P4HA3: variants seen among roughly 807,000 people sequenced by gnomAD.
P4HA3 encodes prolyl 4-hydroxylase subunit alpha-3.
In P4HA3, 60 loss-of-function variants were observed where a neutral mutation model predicts 66.7. That is an observed-to-expected ratio of 0.90 (90% CI 0.73 to 1.12). The LOEUF is 1.12. Among genes scored for constraint, P4HA3 ranks in the 50% most tolerant of loss-of-function variants. The probability of loss-of-function intolerance (pLI) is 0.00; values close to 1 mark genes in which losing one functional copy is unlikely to be tolerated. For synonymous variants in P4HA3, 263 were observed against 274.6 expected (o/e 0.96, Z 0.42); for missense variants, 683 against 685.8 (o/e 1.00, Z 0.05).
At chr11:74,250,753 A>G in intron 15 of P4HA3, 1 of 569,166 alleles carries the variant, frequency 1.8e-6, no homozygotes, top group East Asian at 2.8e-5. Context: ...GGACAGAAGG[A>G]AAAAGTGAAG....
intron 2 of P4HA3, among the ~76,000 whole-genome samples, chr11:74,303,292 CTTT>C (rs779313817): frequency 7.3e-5 from 9 of 123,202 alleles, no homozygotes; most frequent in East Asian, 2.3e-4. Flanking sequence ...CAACAAACTT[CTTT>C]TTTTTTTTTT....
chr11:74,306,274 C>A (rs1941820), intron 1 of P4HA3, among the ~76,000 whole-genome samples: 38,393 of 152,054 alleles, frequency 0.25, 5,356 homozygotes, highest in Non-Finnish European at 0.32. Flanking sequence ...CTGAAGTGAT[C>A]ATCTTTCCAG....
intron 4 of P4HA3, among the ~76,000 whole-genome samples, chr11:74,297,365 T>C (rs111288563): frequency 0.04 from 6,044 of 152,220 alleles, 127 homozygotes; most frequent in Middle Eastern, 0.11. Flanking sequence ...CACATGGGTT[T>C]GGAGCACCCA....
chr11:74,304,575 T>A (rs1414604838), intron 1 of P4HA3, among the ~76,000 whole-genome samples, 163 bp from the exon 2 acceptor site: 1 of 152,070 alleles, frequency 6.6e-6, no homozygotes, highest in Non-Finnish European at 1.5e-5. Flanking sequence ...CCAAAGAATA[T>A]GAAAACTATA....
chr11:74,254,895 G>C (rs928188969), intron 15 of P4HA3, among the ~76,000 whole-genome samples: 3 of 152,110 alleles, frequency 2.0e-5, no homozygotes, highest in Admixed American at 6.5e-5. Context: ...TCTGCAGCCA[G>C]GATGGGATTC....
chr11:74,298,462 AG>A (rs1591130363), intron 3 of P4HA3, 101 bp from the exon 4 acceptor site: 2 of 1,367,676 alleles, frequency 1.5e-6, no homozygotes, highest in East Asian at 4.6e-5. Context: ...CCAAGAAGGC[AG>A]GTTTTAATTT....
chr11:74,264,416 C>G (rs965480390), downstream of P4HA3, among the ~76,000 whole-genome samples: 2 of 152,196 alleles, frequency 1.3e-5, no homozygotes, highest in Admixed American at 6.5e-5. Flanking sequence ...AGGGACCCTG[C>G]TCATCTTCAA....
intron 15 of P4HA3, among the ~76,000 whole-genome samples, chr11:74,258,070 T>A (rs1452318554): frequency 6.6e-6 from 1 of 152,188 alleles, no homozygotes; most frequent in Non-Finnish European, 1.5e-5. Context: ...CTGCAGTCAC[T>A]GTTTTGTTTG....
Position 74,285,847 on chromosome 11 carries a change from A to G in P4HA3, c.1072T>C (p.Ser358Pro), listed in dbSNP as rs1311112444. Residue 358 changes from serine to proline, a missense_variant, in exon 7 of 13, where the codon TCA becomes CCA. By Grantham distance (74) the Ser-to-Pro change is moderately conservative (BLOSUM62 -1). Coordinates refer to ENST00000331597, the MANE Select transcript of P4HA3 (RefSeq NM_182904.5). ...AGTTCTCTAATTTTCTGAGCCTCTGAGTCACTGACGAAGTCATGGTAGAGA... is the reference window on the plus strand; with the variant it reads ...AGTTCTCTAATTTTCTGAGCCTCTGGGTCACTGACGAAGTCATGGTAGAGA... ...IALYHDFVSDSEAQKIRELAE... is the reference protein window; with the variant it reads ...IALYHDFVSDPEAQKIRELAE... 1 of 1,614,084 alleles carries G rather than the reference A, an allele frequency of 6.2e-7. No individual in the cohort carries two copies. Among genetic ancestry groups the G allele is most frequent in the Non-Finnish European group, 8.5e-7 (1 of 1,179,960 alleles).
At chr11:74,273,708 CA>C (rs143208079) in intron 9 of P4HA3, 101 bp from the exon 10 acceptor site, 1 of 921,488 alleles carries the variant, frequency 1.1e-6, no homozygotes, top group African/African-American at 1.7e-5. Context: ...ATGGGGGCAT[CA>C]AAGATGGGAT....
intron 11 of P4HA3, among the ~76,000 whole-genome samples, chr11:74,268,746 G>A (rs1447011797): frequency 6.6e-6 from 1 of 152,160 alleles, no homozygotes; most frequent in Admixed American, 6.5e-5. Context: ...AGAACTTGAG[G>A]CCCAGGGCTT....
At position 74,268,230 on chromosome 11, in the gene P4HA3, C is replaced by G. The variant is rs1402217074; in HGVS notation, c.1479G>C (p.Leu493=). 6.2e-7 allele frequency: 1 copy of G among 1,613,854 alleles called. No individual in the cohort carries two copies. Among genetic ancestry groups the G allele is most frequent in the Admixed American group, 1.7e-5 (1 of 60,012 alleles). Residue 493 remains leucine (L), a synonymous_variant, in exon 12 of 13, where the codon CTG becomes CTC. Transcript: ENST00000331597. ...CACTCCTGTGCAGGTTCCACCAAAA[C>G]AGTGCTGCATTCTGAAACAAGAGGG... is the stretch of plus-strand genomic sequence containing the variant. ...LSVPVVRNAA[L]FWWNLHRSGE... is the part of the protein sequence containing the mutation.
chr11:74,302,331 C>T, intron 3 of P4HA3, 38 bp downstream of exon 3: 3 of 1,537,818 alleles, frequency 2.0e-6, no homozygotes, highest in Non-Finnish European at 2.7e-6. Context: ...CATAAGAAAC[C>T]AGAGCCAAGC....
chr11:74,296,934 C>CT (rs540922878), intron 4 of P4HA3, among the ~76,000 whole-genome samples: 31,880 of 123,882 alleles, frequency 0.26, 4,597 homozygotes, highest in Non-Finnish European at 0.29. Context: ...TTCTTTTTTT[C>CT]TTTTTTTTTT....
At chr11:74,306,085 T>C (rs764346479) in intron 1 of P4HA3, among the ~76,000 whole-genome samples, 3 of 151,992 alleles carry the variant, frequency 2.0e-5, no homozygotes, top group African/African-American at 7.3e-5. Flanking sequence ...ACTTCAAAAC[T>C]GCAAGCACAA....
chr11:74,254,148 GCCCACTGTCCCACT>G (rs1240365207), intron 15 of P4HA3: 2 of 153,508 alleles, frequency 1.3e-5, no homozygotes, highest in Non-Finnish European at 2.9e-5. Context: ...ATCTGGGAGA[GCCCACTGTCCCACT>G]CCCACATGTC....
At chr11:74,297,200 C>T (rs1336227432) in intron 4 of P4HA3, among the ~76,000 whole-genome samples, 2 of 151,940 alleles carry the variant, frequency 1.3e-5, no homozygotes, top group South Asian at 2.1e-4. Context: ...GTGATCTGCC[C>T]GGCTCAGCCT....
intron 2 of P4HA3, among the ~76,000 whole-genome samples, chr11:74,303,623 C>T (rs1861485674): frequency 6.6e-6 from 1 of 151,658 alleles, no homozygotes; most frequent in Non-Finnish European, 1.5e-5. Flanking sequence ...CTCTGTCACC[C>T]CAGGCTGGAG....
chr11:74,299,778 G>T (rs150122004), intron 3 of P4HA3, among the ~76,000 whole-genome samples: 5 of 152,110 alleles, frequency 3.3e-5, no homozygotes, highest in Non-Finnish European at 7.4e-5. Context: ...GATGGGGGTG[G>T]GTGTTAATCA....
Sources: allele counts gnomAD v4.1 joint callset (sites outside exome capture counted in the v4.1 genomes callset), GRCh38; gene constraint gnomAD v4.1.1; transcripts MANE v1.5; gene names NCBI Gene and HGNC (gene_info 2026-07-23, HGNC 2026-07-21).